The following LRRC4C variants were observed in gnomAD, a reference collection of about 807,000 sequenced individuals.
LRRC4C encodes the protein leucine-rich repeat-containing protein 4C.
A neutral mutation model predicts 33.6 loss-of-function variants in LRRC4C; 5 were observed. The observed-to-expected ratio is 0.15, with a 90% CI of 0.08 to 0.31. The LOEUF is 0.31. Among genes scored for constraint, LRRC4C ranks in the 10% least tolerant of loss-of-function variants. LRRC4C has a pLI of 1.00. For synonymous variants in LRRC4C, 329 were observed against 302.0 expected, an observed-to-expected ratio of 1.09 and a Z score of -0.93; for missense variants, 560 against 796.7, an observed-to-expected ratio of 0.70 and a Z score of 3.58.
chr11:40,607,709 G>A (rs1224572160), intron 3 of LRRC4C, among the ~76,000 whole-genome samples: 2 of 152,060 alleles, frequency 1.3e-5, no homozygotes, highest in African/African-American at 4.8e-5. Flanking sequence ...AGTACCCTAG[G>A]ACAAAAACCT....
At chr11:40,605,704 G>A (rs576664732) in intron 3 of LRRC4C, among the ~76,000 whole-genome samples, 1 of 152,138 alleles carries the variant, frequency 6.6e-6, no homozygotes, top group Admixed American at 6.5e-5. Flanking sequence ...TCTTACCTGC[G>A]TCTAAGCACT....
At chr11:40,171,330 T>C (rs1054266255) in intron 5 of LRRC4C, among the ~76,000 whole-genome samples, 1 of 152,142 alleles carries the variant, frequency 6.6e-6, no homozygotes, top group Admixed American at 6.5e-5. Flanking sequence ...AGCATTAAAC[T>C]TGGCTTTACA....
At chr11:41,241,729 A>G (rs1948257467) in intron 1 of LRRC4C, among the ~76,000 whole-genome samples, 1 of 152,154 alleles carries the variant, frequency 6.6e-6, no homozygotes, top group Admixed American at 6.5e-5. Flanking sequence ...GTTGGAATTA[A>G]TCACAACTTT....
intron 1 of LRRC4C, among the ~76,000 whole-genome samples, chr11:41,404,486 G>T (rs1954145589): frequency 6.9e-6 from 1 of 144,788 alleles, no homozygotes; most frequent in African/African-American, 2.6e-5. Flanking sequence ...GTGTGTCTGT[G>T]TGTGTGTGTG....
intron 1 of LRRC4C, among the ~76,000 whole-genome samples, chr11:40,958,328 G>T (rs1959051185): frequency 6.6e-6 from 1 of 151,716 alleles, no homozygotes. Context: ...TATGACCTAA[G>T]TTATAAGCTT....
intron 3 of LRRC4C, among the ~76,000 whole-genome samples, chr11:40,557,996 G>A (rs2135486528): frequency 6.6e-6 from 1 of 152,216 alleles, no homozygotes; most frequent in East Asian, 1.9e-4. Flanking sequence ...GAGTATACTA[G>A]GGCAACACCA....
At chr11:40,191,310 T>C (rs1014093335) in intron 5 of LRRC4C, among the ~76,000 whole-genome samples, 2 of 152,206 alleles carry the variant, frequency 1.3e-5, no homozygotes, top group African/African-American at 2.4e-5. Flanking sequence ...TTTTCTCAAA[T>C]TGTATTCTAC....
At chr11:40,124,243 G>A (rs1002651910) in intron 6 of LRRC4C, among the ~76,000 whole-genome samples, 1 of 152,078 alleles carries the variant, frequency 6.6e-6, no homozygotes, top group Admixed American at 6.6e-5. Flanking sequence ...AATACACTTT[G>A]GAAGTTCTTC....
chr11:40,853,950 C>G (rs757735679), intron 2 of LRRC4C, among the ~76,000 whole-genome samples: 42 of 152,164 alleles, frequency 2.8e-4, no homozygotes, highest in Non-Finnish European at 5.6e-4. Flanking sequence ...AGTTCATTAC[C>G]TGCCTAAATC....
At chr11:40,678,708 C>A (rs986674083) in intron 2 of LRRC4C, among the ~76,000 whole-genome samples, 7 of 152,110 alleles carry the variant, frequency 4.6e-5, no homozygotes, top group African/African-American at 1.7e-4. Flanking sequence ...TAAGACGTCC[C>A]TTTGCTCTTC....
At chr11:40,464,817 C>A (rs1445542774) in intron 3 of LRRC4C, among the ~76,000 whole-genome samples, 1 of 151,626 alleles carries the variant, frequency 6.6e-6, no homozygotes, top group Non-Finnish European at 1.5e-5. Flanking sequence ...TTTTAGACGA[C>A]ACAAGCAAAT....
chr11:40,444,653 T>C (rs533376636), intron 3 of LRRC4C, among the ~76,000 whole-genome samples: 3 of 152,336 alleles, frequency 2.0e-5, no homozygotes, highest in African/African-American at 7.2e-5. Context: ...ATCAATAAGA[T>C]GGCCTGCCTG....
intron 2 of LRRC4C, among the ~76,000 whole-genome samples, chr11:40,803,818 GT>G (rs1418468618): frequency 6.6e-6 from 1 of 152,020 alleles, no homozygotes; most frequent in Non-Finnish European, 1.5e-5. Context: ...TATTTATGGG[GT>G]ACATGAGATA....
chr11:40,133,911 T>C (rs1054704745), intron 6 of LRRC4C, among the ~76,000 whole-genome samples: 2 of 152,228 alleles, frequency 1.3e-5, no homozygotes, highest in African/African-American at 4.8e-5. Flanking sequence ...ACAATGCTCA[T>C]TTCTTGACAC....
intron 1 of LRRC4C, among the ~76,000 whole-genome samples, chr11:41,340,370 G>T (rs1021769397): frequency 1.3e-5 from 2 of 152,062 alleles, no homozygotes; most frequent in Non-Finnish European, 2.9e-5. Flanking sequence ...GCAAAACTTG[G>T]ACTAAATTTT....
At chr11:40,283,145 C>T (rs986416459) in intron 4 of LRRC4C, among the ~76,000 whole-genome samples, 1 of 152,320 alleles carries the variant, frequency 6.6e-6, no homozygotes, top group Non-Finnish European at 1.5e-5. Flanking sequence ...TACATTACCA[C>T]ACCTACAGTA....
chr11:40,638,028 C>T (rs1398477398), intron 3 of LRRC4C, among the ~76,000 whole-genome samples: 1 of 152,174 alleles, frequency 6.6e-6, no homozygotes, highest in Non-Finnish European at 1.5e-5. Context: ...CTCAGCTTCT[C>T]ACCTTCCTAG....
At chr11:40,606,012 G>A (rs193010963) in intron 3 of LRRC4C, among the ~76,000 whole-genome samples, 33 of 152,254 alleles carry the variant, frequency 2.2e-4, no homozygotes, top group Admixed American at 1.1e-3. Flanking sequence ...TGAGTGGCTC[G>A]TGGCTGCTGC....
chr11:41,425,364 T>C (rs1467474853), intron 1 of LRRC4C, among the ~76,000 whole-genome samples: 1 of 152,064 alleles, frequency 6.6e-6, no homozygotes, highest in Admixed American at 6.6e-5. Context: ...CTTTGGTACT[T>C]ACTTGATTTT....
Sources: gnomAD v4.1 joint callset for allele counts (sites outside exome capture counted in the v4.1 genomes callset) on GRCh38, gnomAD v4.1.1 for gene constraint, MANE v1.5 for transcripts, NCBI Gene and HGNC (gene_info 2026-07-23, HGNC 2026-07-21) for gene names.